ATF3: variants seen among roughly 807,000 people sequenced by gnomAD.
The protein encoded by ATF3 is cyclic AMP-dependent transcription factor ATF-3.
ATF3 carries 10 observed loss-of-function variants against 18.4 expected under a neutral mutation model. The ratio of observed to expected loss-of-function variants is 0.54; its 90% CI spans 0.34 to 0.92. The LOEUF (loss-of-function observed/expected upper bound fraction) is 0.92. Ranked by LOEUF, ATF3 falls within the 40% of genes least tolerant of loss-of-function variation. ATF3 has a pLI of 0.02. For missense variants in ATF3, 183 were observed against 222.3 expected (o/e 0.82, Z 1.12); for synonymous variants, 78 against 87.9 (o/e 0.89, Z 0.63).
At position 212,619,154 on chromosome 1, in the gene ATF3, G is replaced by C; in HGVS notation, c.349-204G>C. On this transcript the variant is annotated intron_variant, in intron 3 of 3. Coordinates refer to ENST00000341491, the MANE Select transcript of ATF3 (RefSeq NM_001674.4). This position sits in a 1 kb window ranked among gnomAD's most constrained non-coding sequence, Gnocchi z 4.4. Reference sequence around the variant, plus strand: ...ATTAGCAGAGCCACAGGCCGCCTCTGTGGCATCACCAGGGTTTCTCTGAAG... The same window carrying C: ...ATTAGCAGAGCCACAGGCCGCCTCTCTGGCATCACCAGGGTTTCTCTGAAG... 6.2e-7 allele frequency: 1 copy of C among 1,613,874 alleles called. No homozygotes were observed. Among genetic ancestry groups the C allele is most frequent in the Non-Finnish European group, 8.5e-7 (1 of 1,180,036 alleles).
chr1:212,618,643 T>C lies in ATF3; in HGVS notation c.348+409T>C. ...AATCTCTTCAAACAAGTTATTTCCT[T>C]AATCCACAAGCAGTGGTTACACTTG... On this transcript the variant is annotated intron_variant, in intron 3 of 3. Transcript: ENST00000341491. This position sits in a 1 kb window ranked among gnomAD's most constrained non-coding sequence, Gnocchi z 4.4. The C allele has an allele frequency of 2.5e-6, 1 of 395,308 alleles. No individual in the cohort carries two copies. Among genetic ancestry groups the C allele is most frequent in the Non-Finnish European group, 4.7e-6 (1 of 212,080 alleles). The allele number at this position is 395,308 out of a possible 1,614,324, so 24.5% of individuals were successfully genotyped here. A position where few individuals can be genotyped will look rare whatever the true frequency, so the allele number is the denominator to read the frequency against.
At chr1:212,573,178 A>G (rs1019840280) in intron 1 of ATF3, among the ~76,000 whole-genome samples, 2 of 152,130 alleles carry the variant, frequency 1.3e-5, no homozygotes, top group African/African-American at 4.8e-5. Context: ...GCCACAAACT[A>G]TATCTTTGTT....
At chr1:212,592,758 C>A (rs566202338) in intron 1 of ATF3, among the ~76,000 whole-genome samples, 1 of 151,930 alleles carries the variant, frequency 6.6e-6, no homozygotes, top group African/African-American at 2.4e-5. Context: ...CAGCAAGAGG[C>A]CCTTGTATCT....
At chr1:212,613,330 T>A (rs1654973825) in intron 1 of ATF3, 1 of 152,224 alleles carries the variant, frequency 6.6e-6, no homozygotes, top group Non-Finnish European at 1.5e-5. Context: ...TTTTGTTTGT[T>A]TGTGCAATAT....
intron 1 of ATF3, among the ~76,000 whole-genome samples, chr1:212,591,882 T>C (rs1664893321): frequency 6.6e-6 from 1 of 152,170 alleles, no homozygotes; most frequent in Non-Finnish European, 1.5e-5. Context: ...TGGAGTGCAA[T>C]GGAGCGATCT....
chr1:212,576,721 C>CTTT (rs57512671), intron 1 of ATF3, among the ~76,000 whole-genome samples: 2,685 of 57,038 alleles, frequency 0.047, 201 homozygotes, highest in African/African-American at 0.092. Context: ...CTTTTCTTTT[C>CTTT]TTTTTTTTTT....
intron 1 of ATF3, among the ~76,000 whole-genome samples, chr1:212,578,122 G>A (rs1460808364): frequency 6.6e-6 from 1 of 152,182 alleles, no homozygotes. Context: ...ACTCTGATGT[G>A]TGAGGTGATA....
intron 1 of ATF3, among the ~76,000 whole-genome samples, chr1:212,614,531 C>T (rs1655021065): frequency 6.7e-6 from 1 of 150,184 alleles, no homozygotes; most frequent in African/African-American, 2.5e-5. Flanking sequence ...TGACGTCAAG[C>T]CTCTTTGAAA....
upstream of ATF3, among the ~76,000 whole-genome samples, chr1:212,606,825 G>C (rs73077752): frequency 6.6e-6 from 1 of 152,188 alleles, no homozygotes; most frequent in Non-Finnish European, 1.5e-5. Flanking sequence ...GGTGTCCGCC[G>C]GGCTGCTCCG....
chr1:212,607,941 C>T (rs919040458), upstream of ATF3, among the ~76,000 whole-genome samples: 1 of 152,284 alleles, frequency 6.6e-6, no homozygotes, highest in East Asian at 1.9e-4. Flanking sequence ...TACGGTCCTA[C>T]CACTCGCCCT....
At chr1:212,597,423 C>CTATCTATCTATT (rs1447699489) in intron 1 of ATF3, among the ~76,000 whole-genome samples, 1 of 57,198 alleles carries the variant, frequency 1.7e-5, no homozygotes, top group African/African-American at 5.3e-5. Flanking sequence ...ATCTATTTAT[C>CTATCTATCTATT]TATCTATCTA....
Position 212,619,906 on chromosome 1 carries a change from A to C in ATF3, c.*351A>C. On this transcript the variant is annotated 3_prime_UTR_variant, in exon 4 of 4. Coordinates refer to ENST00000341491, the MANE Select transcript of ATF3 (RefSeq NM_001674.4). The surrounding 1 kb of genome is among the most constrained non-coding windows in gnomAD (Gnocchi z 4.4). ...TTAGGATTCAGGCAGCAGTGTCTGTACCTCGGGTGGGAGGGATGGGGCCAT... is the reference window on the plus strand; with the variant it reads ...TTAGGATTCAGGCAGCAGTGTCTGTCCCTCGGGTGGGAGGGATGGGGCCAT... 5 of 294,874 alleles carry C rather than the reference A, an allele frequency of 1.7e-5. No individual in the cohort carries two copies. Among genetic ancestry groups the C allele is most frequent in the East Asian group, 8.4e-5 (1 of 11,878 alleles). The allele number at this position is 294,874 out of a possible 1,614,324, so 18.3% of individuals were successfully genotyped here. A position where few individuals can be genotyped will look rare whatever the true frequency, so the allele number is the denominator to read the frequency against.
At chr1:212,609,160 G>T (rs1010383264) in intron 1 of ATF3, among the ~76,000 whole-genome samples, 23 of 152,232 alleles carry the variant, frequency 1.5e-4, no homozygotes, top group African/African-American at 5.5e-4. Flanking sequence ...TTTTGACTTG[G>T]GGCGCGAAAG....
At chr1:212,608,275 C>G (rs560196485), upstream of ATF3, among the ~76,000 whole-genome samples, 1 of 152,308 alleles carries the variant, frequency 6.6e-6, no homozygotes, top group South Asian at 2.1e-4. Context: ...AGGTCGTGCC[C>G]GCTTCCCAGC....
chr1:212,618,376 C>T lies in ATF3; in HGVS notation c.348+142C>T. The T allele has an allele frequency of 1.2e-6, 1 of 850,916 alleles. No homozygotes were observed. The allele number at this position is 850,916 out of a possible 1,614,324, so 52.7% of individuals were successfully genotyped here. A position where few individuals can be genotyped will look rare whatever the true frequency, so the allele number is the denominator to read the frequency against. ...GCCTTGTAGCTGGTAGCAGAAATGC[C>T]AGTTGCAGAATGAGGAGGTGGCAAA... On this transcript the variant is annotated intron_variant, in intron 3 of 3. Transcript: ENST00000341491. The surrounding 1 kb of genome is among the most constrained non-coding windows in gnomAD (Gnocchi z 4.4).
rs183346518 is a variant in ATF3, at chr1:212,586,002, C to T, written c.-5+20519C>T. Among the ~76,000 whole-genome samples, 354 of 152,306 alleles carry T rather than the reference C, an allele frequency of 2.3e-3. 1 individual carries two copies. Among genetic ancestry groups the T allele is most frequent in the African/African-American group, 8.2e-3 (339 of 41,560 alleles). ...TGTGGTCTCCAGTGGCCTTGGCATTCTCCTTTTCCCAAAATTGTTGGGTCC... is the reference window on the plus strand; with the variant it reads ...TGTGGTCTCCAGTGGCCTTGGCATTTTCCTTTTCCCAAAATTGTTGGGTCC... On this transcript the variant is annotated intron_variant, in intron 1 of 3. Coordinates refer to the ATF3 transcript ENST00000366981.
chr1:212,584,316 T>C (rs4543871), intron 1 of ATF3, among the ~76,000 whole-genome samples: 39,500 of 151,868 alleles, frequency 0.26, 5,662 homozygotes, highest in African/African-American at 0.39. Flanking sequence ...AAGATGCATG[T>C]GTATAAGAGA....
chr1:212,616,950 T>G lies in ATF3; in HGVS notation c.241-1177T>G, dbSNP rs11571548. 6.2e-4 allele frequency among the ~76,000 whole-genome samples: 95 copies of G among 152,260 alleles called. 2 individuals are homozygous for G. The South Asian group carries it at 0.019, about 30-fold the overall frequency. ...CAAGAGCAGGAGGTCTGTCCTATTC[T>G]GCAGACCCCTGTGGAGATGTCAAGC... On this transcript the variant is annotated intron_variant, in intron 2 of 3. Coordinates refer to ENST00000341491, the MANE Select transcript of ATF3 (RefSeq NM_001674.4).
intron 1 of ATF3, among the ~76,000 whole-genome samples, chr1:212,589,393 G>C (rs1394393583): frequency 6.6e-6 from 1 of 152,162 alleles, no homozygotes; most frequent in East Asian, 1.9e-4. Flanking sequence ...TAATGTACTA[G>C]GGAGTCAAAA....
Sources: gnomAD v4.1 joint callset for allele counts (sites outside exome capture counted in the v4.1 genomes callset) on GRCh38, gnomAD v4.1.1 for gene constraint, Gnocchi (gnomAD v3.1) non-coding constraint, MANE v1.5 for transcripts, NCBI Gene and HGNC (gene_info 2026-07-23, HGNC 2026-07-21) for gene names.